CFAP65: variants seen among roughly 807,000 people sequenced by gnomAD.
CFAP65 encodes the protein cilia and flagella associated protein 65, also known as cilia- and flagella-associated protein 65.
CFAP65 carries 155 observed loss-of-function variants against 208.0 expected under a neutral mutation model. The ratio of observed to expected loss-of-function variants is 0.75; its 90% confidence interval spans 0.65 to 0.85. The LOEUF is 0.85. Ranked by LOEUF, CFAP65 falls within the 40% of genes least tolerant of loss-of-function variation. CFAP65 has a pLI of 0.00. For missense variants in CFAP65, 2,294 were observed against 2,451.3 expected, an observed-to-expected ratio of 0.94 and a Z score of 1.36; for synonymous variants, 970 against 986.3, an observed-to-expected ratio of 0.98 and a Z score of 0.31.
At chr2:219,038,327 C>T in intron 4 of CFAP65, 48 bp downstream of exon 4, 1 of 1,582,112 alleles carries the variant, frequency 6.3e-7, no homozygotes, top group Non-Finnish European at 8.6e-7. Flanking sequence ...CCATGCCCCG[C>T]CCTGGCCCTG....
intron 15 of CFAP65, 82 bp from the exon 16 acceptor site, chr2:219,023,513 T>A: frequency 1.9e-6 from 2 of 1,030,092 alleles, no homozygotes; most frequent in Non-Finnish European, 2.9e-6. Context: ...AAGCCATGGC[T>A]AGGCAGCTTT....
intron 31 of CFAP65, 128 bp from the exon 32 acceptor site, chr2:219,005,690 C>A (rs2106055789): frequency 9.3e-7 from 1 of 1,080,036 alleles, no homozygotes. Context: ...AGCCTTAACC[C>A]AAATGTAGTG....
intron 26 of CFAP65, 36 bp from the exon 27 acceptor site, chr2:219,010,121 C>A (rs370682189): frequency 1.3e-6 from 2 of 1,546,610 alleles, no homozygotes; most frequent in South Asian, 1.2e-5. Flanking sequence ...AAATAAGAAC[C>A]GGCCAGGCAT....
In CFAP65 at chr2:219,030,079, T is replaced by C. The variant is rs1947913584; in HGVS notation, c.1291A>G (p.Lys431Glu). 1 of 1,613,936 alleles carries C rather than the reference T, an allele frequency of 6.2e-7. No homozygotes were observed. Residue 431 changes from lysine to glutamate, a missense_variant, in exon 10 of 35, where the codon AAG becomes GAG. Coordinates refer to ENST00000341552, the MANE Select transcript of CFAP65 (RefSeq NM_194302.4). Reference protein sequence around the residue: ...KKCVSVFFHPKTLDTRTVDYC... With the variant: ...KKCVSVFFHPETLDTRTVDYC... ...TCCACAGTTCTGGTGTCCAGAGTCT[T>C]GGGGTGGAAGAACACCGACACACAT...
chr2:219,019,711 C>G lies in CFAP65; in HGVS notation c.3268G>C (p.Ala1090Pro). Residue 1090 changes from alanine to proline, a missense_variant, in exon 20 of 35, where the codon GCT becomes CCT. Physicochemically the swap from Ala to Pro is conservative, Grantham distance 27. This residue lies in a region of CFAP65 where 1,427 missense variants were observed against 1,438.7 expected (regional missense o/e 0.99). Transcript: ENST00000341552. Reference protein sequence around the residue: ...YSLLSHRDNKAGEKQELCCVS... With the variant: ...YSLLSHRDNKPGEKQELCCVS... ...CAGCACAGCTCCTGCTTCTCCCCAGCCTTGTTATCTGGGGAGGGGGGTGAG... is the reference window on the plus strand; with the variant it reads ...CAGCACAGCTCCTGCTTCTCCCCAGGCTTGTTATCTGGGGAGGGGGGTGAG... The G allele has an allele frequency of 6.2e-7, 1 of 1,612,940 alleles. No homozygotes were observed. Among genetic ancestry groups the G allele is most frequent in the South Asian group, 1.1e-5 (1 of 91,042 alleles).
intron 21 of CFAP65, among the ~76,000 whole-genome samples, chr2:219,017,872 C>T (rs1042528327): frequency 6.6e-6 from 1 of 152,236 alleles, no homozygotes; most frequent in Non-Finnish European, 1.5e-5. Flanking sequence ...CTGGCCTTCC[C>T]CACCAGGCTG....
intron 4 of CFAP65, 128 bp from the exon 5 acceptor site, chr2:219,035,792 G>C: frequency 6.9e-7 from 1 of 1,448,176 alleles, no homozygotes; most frequent in South Asian, 1.5e-5. Context: ...GAAGAAAAAC[G>C]ATGATTGACA....
At chr2:219,015,281 CGCAACACACACCTAAGGAGAACGCGT>C (rs1946796573) in intron 21 of CFAP65, 1 of 148,302 alleles carries the variant, frequency 6.7e-6, no homozygotes, top group African/African-American at 2.5e-5. Context: ...GGAGAATGTG[CGCAACACACACCTAAGGAGAACGCGT>C]GCAACACACA....
chr2:219,022,640 A>T (rs936181280), intron 16 of CFAP65, among the ~76,000 whole-genome samples: 3 of 151,866 alleles, frequency 2.0e-5, no homozygotes, highest in African/African-American at 7.3e-5. Flanking sequence ...TTCCAGGCCA[A>T]CTCCACAGGC....
In CFAP65 at chr2:219,031,220, A is replaced by AGGCCT; in HGVS notation, c.896_900dup (p.Ser301ArgfsTer7). 1 of 1,613,704 alleles carries AGGCCT rather than the reference A, an allele frequency of 6.2e-7. No individual in the cohort carries two copies. The highest frequency in any genetic ancestry group is 8.5e-7 in the Non-Finnish European group (1 of 1,179,878). On this transcript the variant is annotated frameshift_variant, in exon 8 of 35. Transcript: ENST00000341552. LOFTEE classifies it high-confidence loss of function. The surrounding 1 kb of genome is among the most constrained non-coding windows in gnomAD (Gnocchi z 5.2). Reference sequence around the variant, plus strand: ...GGCTGAAAGGTCACCTTGATCTGAGAGGCCTGGCCTGGCTCCAGGAGCCCC... The same window carrying AGGCCT: ...GGCTGAAAGGTCACCTTGATCTGAGAGGCCTGGCCTGGCCTGGCTCCAGGAGCCCC...
chr2:219,027,082 T>C, intron 13 of CFAP65: 1 of 1,032,666 alleles, frequency 9.7e-7, no homozygotes, highest in South Asian at 4.1e-5. Flanking sequence ...GCAAGGGCAG[T>C]GGGGTGGGCA....
At chr2:219,023,082 A>C (rs1372814210) in intron 16 of CFAP65, 125 bp downstream of exon 16, 1 of 763,948 alleles carries the variant, frequency 1.3e-6, no homozygotes, top group African/African-American at 1.7e-5. Context: ...CCTCATCGCC[A>C]GGTGGGGGAA....
intron 21 of CFAP65, chr2:219,014,798 G>A (rs186160634): frequency 4.9e-4 from 73 of 149,712 alleles, no homozygotes; most frequent in Admixed American, 1.5e-3. Flanking sequence ...GCACCTGAGA[G>A]AAAGCACGCA....
chr2:219,017,776 A>T (rs142117015), intron 21 of CFAP65, among the ~76,000 whole-genome samples: 2 of 151,850 alleles, frequency 1.3e-5, no homozygotes, highest in South Asian at 2.1e-4. Context: ...TCTGCCCCCA[A>T]CCCTCTCCCT....
intron 24 of CFAP65, among the ~76,000 whole-genome samples, chr2:219,011,395 C>T (rs775294478): frequency 3.3e-5 from 5 of 151,582 alleles, no homozygotes; most frequent in Non-Finnish European, 7.4e-5. Context: ...CTACCTCAGC[C>T]TGCCAAGTAG....
In CFAP65 at chr2:219,029,548, G is replaced by A. The variant is rs1196391341; in HGVS notation, c.1505C>T (p.Ala502Val). The A allele has an allele frequency of 6.2e-7, 1 of 1,614,098 alleles. No individual in the cohort carries two copies. The highest frequency in any genetic ancestry group is 1.7e-5 in the Admixed American group (1 of 60,016). ...QSDCTAHFQF[A>V]IDCLESVFTI... ...AAAGACACTCTCCAAGCAGTCGATG[G>A]CAAACTGGAAGTGGGCCGTGCAGTC... The change falls in exon 11 of 35, where the codon GCC becomes GTC. Residue 502 changes from alanine to valine, a missense_variant. Physicochemically the swap from Ala to Val is moderately conservative, Grantham distance 64. Coordinates refer to ENST00000341552, the MANE Select transcript of CFAP65 (RefSeq NM_194302.4).
intron 20 of CFAP65, 82 bp downstream of exon 20, chr2:219,019,424 G>T: frequency 1.6e-6 from 2 of 1,248,238 alleles, no homozygotes; most frequent in South Asian, 2.8e-5. Flanking sequence ...TCCTTGTTCT[G>T]GGAGTCTGGG....
chr2:219,032,423 C>T lies in CFAP65; in HGVS notation c.645+47G>A, dbSNP rs1948109300. 1 of 1,511,176 alleles carries T rather than the reference C, an allele frequency of 6.6e-7. No homozygotes were observed. Among genetic ancestry groups the T allele is most frequent in the Non-Finnish European group, 9.0e-7 (1 of 1,114,150 alleles). The allele number at this position is 1,511,176 out of a possible 1,614,324, so 93.6% of individuals were successfully genotyped here. A position where few individuals can be genotyped will look rare whatever the true frequency, so the allele number is the denominator to read the frequency against. On this transcript the variant is annotated intron_variant, in intron 6 of 34. Coordinates refer to ENST00000341552, the MANE Select transcript of CFAP65 (RefSeq NM_194302.4). The surrounding 1 kb of genome is among the most constrained non-coding windows in gnomAD (Gnocchi z 5.5). ...TGTCCTGTTTTCTGTTCTGAGGTCA[C>T]TGCTCCCAGGTACCTCCCTGCCCTC...
Position 219,031,538 on chromosome 2 carries a change from A to C in CFAP65, c.766T>G (p.Cys256Gly). 6.2e-7 allele frequency: 1 copy of C among 1,614,198 alleles called. No homozygotes were observed. The highest frequency in any genetic ancestry group is 2.2e-5 in the East Asian group (1 of 44,888). ...CRPPSLQLPM[C>G]AVGDTTEAFF... ...GCCTCAGTCGTATCTCCCACAGCAC[A>C]CATGGGCAGCTGCAGGGATGGTGGG... is the stretch of plus-strand genomic sequence containing the variant. Residue 256 changes from cysteine (C) to glycine (G), a missense_variant, in exon 7 of 35, where the codon TGT becomes GGT. This residue lies in a region of CFAP65 where 867 missense variants were observed against 1,012.6 expected (regional missense o/e 0.86). Transcript: ENST00000341552. The surrounding 1 kb of genome is among the most constrained non-coding windows in gnomAD (Gnocchi z 5.2).
Sources: allele counts gnomAD v4.1 joint callset (sites outside exome capture counted in the v4.1 genomes callset), GRCh38; gene constraint gnomAD v4.1.1; regional missense constraint gnomAD v4.1.1; non-coding constraint Gnocchi (gnomAD v3.1); transcripts MANE v1.5; gene names NCBI Gene and HGNC (gene_info 2026-07-23, HGNC 2026-07-21).